CREB3L2: variants seen among roughly 807,000 people sequenced by gnomAD.
CREB3L2 encodes the protein cyclic AMP-responsive element-binding protein 3-like protein 2.
A neutral mutation model predicts 57.2 loss-of-function variants in CREB3L2; 23 were observed. The ratio of observed to expected loss-of-function variants is 0.40; its 90% CI spans 0.29 to 0.57. The LOEUF (loss-of-function observed/expected upper bound fraction) is 0.57. Among genes scored for constraint, CREB3L2 ranks in the 20% least tolerant of loss-of-function variants. The pLI is 0.42. For synonymous variants in CREB3L2, 268 were observed against 265.1 expected (o/e 1.01, Z -0.11); for missense variants, 628 against 634.7 (o/e 0.99, Z 0.11).
chr7:137,899,787 T>C (rs756334616), intron 8 of CREB3L2, among the ~76,000 whole-genome samples: 9 of 152,214 alleles, frequency 5.9e-5, no homozygotes, highest in Non-Finnish European at 1.3e-4. Flanking sequence ...TTCAGGGGGA[T>C]CCCACTGGCG....
intron 4 of CREB3L2, among the ~76,000 whole-genome samples, chr7:137,908,711 T>C (rs1055779561): frequency 7.9e-5 from 12 of 152,146 alleles, no homozygotes; most frequent in African/African-American, 2.2e-4. Context: ...AGGTGGCTCA[T>C]GGCTGTAATC....
intron 1 of CREB3L2, among the ~76,000 whole-genome samples, chr7:137,979,308 C>A (rs80208717): frequency 6.6e-6 from 1 of 152,142 alleles, no homozygotes; most frequent in Non-Finnish European, 1.5e-5. Context: ...CTGTTCCTAC[C>A]CTCCAGGGTC....
At chr7:137,883,818 A>AT (rs1799349391) in intron 10 of CREB3L2, among the ~76,000 whole-genome samples, 1 of 152,192 alleles carries the variant, frequency 6.6e-6, no homozygotes, top group African/African-American at 2.4e-5. Flanking sequence ...AAAACCTCAG[A>AT]TAAGGGGGGA....
At chr7:137,965,326 C>T (rs1248406273) in intron 1 of CREB3L2, among the ~76,000 whole-genome samples, 2 of 152,130 alleles carry the variant, frequency 1.3e-5, no homozygotes, top group Admixed American at 6.5e-5. Flanking sequence ...CACATGCGCA[C>T]AAATATATTT....
In CREB3L2 at chr7:137,885,559, A is replaced by G. The variant is rs1460023454; in HGVS notation, c.1044-57T>C. Reference sequence around the variant, plus strand: ...TCTGACAGAGAAGAGATGCTTTTTGATCTCTCCATGTGACCCAAGAAGGCC... The same window carrying G: ...TCTGACAGAGAAGAGATGCTTTTTGGTCTCTCCATGTGACCCAAGAAGGCC... On this transcript the variant is annotated intron_variant, in intron 8 of 11. Transcript: ENST00000330387. 7.8e-6 allele frequency: 11 copies of G among 1,403,316 alleles called. No homozygotes were observed. In the Admixed American group the frequency reaches 1.4e-4, roughly 17 times the overall value. 86.9% of individuals were successfully genotyped at this position (1,403,316 alleles called of 1,614,324 possible).
chr7:137,970,185 G>C (rs531458301), intron 1 of CREB3L2, among the ~76,000 whole-genome samples: 1 of 152,082 alleles, frequency 6.6e-6, no homozygotes, highest in Admixed American at 6.5e-5. Context: ...GAATACAAAG[G>C]GTTGATTATG....
intron 1 of CREB3L2, among the ~76,000 whole-genome samples, chr7:137,998,090 T>C (rs1450966150): frequency 6.6e-6 from 1 of 152,258 alleles, no homozygotes; most frequent in Non-Finnish European, 1.5e-5. Context: ...CAGGATCTAA[T>C]GATCAGTCCA....
chr7:138,001,548 C>A lies in CREB3L2; in HGVS notation c.102+56G>T. ...GTCCCAGGACTCCAGCTGCTCCTCG[C>A]GTGACAACACTTGCCCGCTTTGAAA... On this transcript the variant is annotated intron_variant, in intron 1 of 11. Transcript: ENST00000330387. The surrounding 1 kb of genome is among the most constrained non-coding windows in gnomAD (Gnocchi z 4.2). The A allele has an allele frequency of 2.2e-6, 3 of 1,354,158 alleles. No homozygotes were observed. The highest frequency in any genetic ancestry group is 3.1e-6 in the Non-Finnish European group (3 of 970,282). The allele number at this position is 1,354,158 out of a possible 1,614,324, so 83.9% of individuals were successfully genotyped here. A position where few individuals can be genotyped will look rare whatever the true frequency, so the allele number is the denominator to read the frequency against.
Position 137,882,527 on chromosome 7 carries a change from A to G in CREB3L2, c.1372T>C (p.Ser458Pro). 1 of 1,613,870 alleles carries G rather than the reference A, an allele frequency of 6.2e-7. No homozygotes were observed. Among genetic ancestry groups the G allele is most frequent in the Non-Finnish European group, 8.5e-7 (1 of 1,179,818 alleles). ...TCCAGCCCTGACACCCTGAGCAGGG[A>G]GGAACCTCTATCCCAGCCCCCCAGC... Reference protein sequence around the residue: ...GELGGWDRGSSLLRVSGLESR... With the variant: ...GELGGWDRGSPLLRVSGLESR... Residue 458 changes from serine to proline, a missense_variant, in exon 11 of 12, where the codon TCC (serine) becomes CCC (proline). Coordinates refer to ENST00000330387, the MANE Select transcript of CREB3L2 (RefSeq NM_194071.4).
At chr7:137,961,168 T>G (rs886855914) in intron 1 of CREB3L2, among the ~76,000 whole-genome samples, 1 of 132,286 alleles carries the variant, frequency 7.6e-6, no homozygotes, top group Non-Finnish European at 1.6e-5. Flanking sequence ...TGCATTAAAT[T>G]TACTTCCTTC....
intron 1 of CREB3L2, among the ~76,000 whole-genome samples, chr7:137,974,046 C>G (rs1202115440): frequency 8.8e-6 from 1 of 114,140 alleles, no homozygotes; most frequent in East Asian, 2.1e-4. Flanking sequence ...TGCCAAGCAT[C>G]TGCTCTTTAA....
chr7:137,881,379 T>C (rs1799287531), intron 11 of CREB3L2, among the ~76,000 whole-genome samples: 1 of 152,192 alleles, frequency 6.6e-6, no homozygotes, highest in Non-Finnish European at 1.5e-5. Context: ...CTGAAGCATT[T>C]TGCATTTTTG....
Position 137,942,983 on chromosome 7 carries a change from C to T in CREB3L2, c.103-14617G>A, listed in dbSNP as rs534582391. 2.2e-4 allele frequency among the ~76,000 whole-genome samples: 34 copies of T among 152,314 alleles called. 1 individual carries two copies. Among genetic ancestry groups the T allele is most frequent in the Non-Finnish European group, 1.8e-4 (12 of 68,026 alleles). ...AGATATTCTAGAAAGAAAGTCAGCA[C>T]AGCTTCATTAAGAAGTAAGAAGTCA... On this transcript the variant is annotated intron_variant, in intron 1 of 11. Transcript: ENST00000330387.
At chr7:137,950,302 C>G (rs188829018) in intron 1 of CREB3L2, among the ~76,000 whole-genome samples, 54 of 152,320 alleles carry the variant, frequency 3.5e-4, no homozygotes, top group African/African-American at 1.2e-3. Context: ...AAGAAAGGAT[C>G]AAGACTCACA....
At chr7:137,917,354 G>A (rs550476337) in intron 2 of CREB3L2, among the ~76,000 whole-genome samples, 1 of 152,156 alleles carries the variant, frequency 6.6e-6, no homozygotes, top group Admixed American at 6.5e-5. Flanking sequence ...ACGACCAGAG[G>A]GTTGGAAACA....
intron 1 of CREB3L2, among the ~76,000 whole-genome samples, chr7:137,975,812 CT>C (rs1160809602): frequency 6.6e-6 from 1 of 152,208 alleles, no homozygotes; most frequent in Non-Finnish European, 1.5e-5. Flanking sequence ...TTTTATTCTT[CT>C]TTTAGGAAAA....
chr7:137,899,085 A>G (rs1429726672), intron 8 of CREB3L2, among the ~76,000 whole-genome samples: 1 of 89,840 alleles, frequency 1.1e-5, no homozygotes, highest in Non-Finnish European at 2.3e-5. Flanking sequence ...GAAAAGGAAG[A>G]AAAAGGAAAG....
At chr7:137,945,341 T>A (rs17169456) in intron 1 of CREB3L2, among the ~76,000 whole-genome samples, 5 of 152,202 alleles carry the variant, frequency 3.3e-5, no homozygotes, top group African/African-American at 1.2e-4. Flanking sequence ...TTTCTAACAA[T>A]GAAGACCTCT....
Position 137,877,583 on chromosome 7 carries a change from C to T in CREB3L2, c.*2893G>A, listed in dbSNP as rs767990381. 4.0e-5 allele frequency: 9 copies of T among 225,818 alleles called. No homozygotes were observed. Among genetic ancestry groups the T allele is most frequent in the Non-Finnish European group, 7.0e-5 (8 of 113,584 alleles). The allele number at this position is 225,818 out of a possible 1,614,324, so 14.0% of individuals were successfully genotyped here. ...ATTAGTTCTCTGAATCTTTGCAAAA[C>T]ATCTCCTTCACTGGTGCAATCTAAG... On this transcript the variant is annotated 3_prime_UTR_variant, in exon 12 of 12. Transcript: ENST00000330387.
Sources: allele counts gnomAD v4.1 joint callset (sites outside exome capture counted in the v4.1 genomes callset), GRCh38; gene constraint gnomAD v4.1.1; non-coding constraint Gnocchi (gnomAD v3.1); transcripts MANE v1.5; gene names NCBI Gene and HGNC (gene_info 2026-07-23, HGNC 2026-07-21).